TAFA2: variants seen among roughly 807,000 people sequenced by gnomAD.
The protein encoded by TAFA2 is chemokine-like protein TAFA-2.
A neutral mutation model predicts 18.8 loss-of-function variants in TAFA2; 7 were observed. That is an observed-to-expected ratio of 0.37 (90% confidence interval 0.21 to 0.70). The LOEUF is 0.70. Ranked by LOEUF, TAFA2 falls within the 30% of genes least tolerant of loss-of-function variation. The pLI is 0.53. For missense variants in TAFA2, 122 were observed against 158.1 expected (o/e 0.77, Z 1.23); for synonymous variants, 60 against 54.2 (o/e 1.11, Z -0.47).
intron 2 of TAFA2, among the ~76,000 whole-genome samples, chr12:61,786,982 A>T (rs2120911627): frequency 6.6e-6 from 1 of 151,696 alleles, no homozygotes; most frequent in East Asian, 2.0e-4. Flanking sequence ...CTAATAGAAA[A>T]CAAATAGCGA....
At chr12:61,942,382 A>T (rs1305224575) in intron 1 of TAFA2, among the ~76,000 whole-genome samples, 1 of 151,460 alleles carries the variant, frequency 6.6e-6, no homozygotes, top group Non-Finnish European at 1.5e-5. Context: ...TGGAAACTCT[A>T]AAACGCAGAG....
chr12:62,072,744 C>G (rs929544180), intron 1 of TAFA2, among the ~76,000 whole-genome samples: 1 of 152,156 alleles, frequency 6.6e-6, no homozygotes, highest in Non-Finnish European at 1.5e-5. Flanking sequence ...CGTGATCACA[C>G]CACTGCACTT....
chr12:62,225,709 T>C (rs938807547), intron 1 of TAFA2, among the ~76,000 whole-genome samples: 1 of 152,146 alleles, frequency 6.6e-6, no homozygotes, highest in African/African-American at 2.4e-5. Context: ...CAAGTGACTC[T>C]TAGTCATATG....
intron 2 of TAFA2, among the ~76,000 whole-genome samples, chr12:61,764,067 A>G (rs547649822): frequency 5.9e-5 from 9 of 152,162 alleles, no homozygotes; most frequent in African/African-American, 2.2e-4. Context: ...TAAAAGGAAA[A>G]AGACAAATTC....
At chr12:61,850,023 G>C (rs1023983205) in intron 2 of TAFA2, among the ~76,000 whole-genome samples, 6 of 152,034 alleles carry the variant, frequency 3.9e-5, no homozygotes, top group Non-Finnish European at 5.9e-5. Context: ...ACTAACTCTA[G>C]GTCATGCATT....
At chr12:62,026,721 C>T (rs1881321412) in intron 1 of TAFA2, among the ~76,000 whole-genome samples, 1 of 151,970 alleles carries the variant, frequency 6.6e-6, no homozygotes, top group Non-Finnish European at 1.5e-5. Flanking sequence ...GCAAAGGTTT[C>T]CATTTCTAAA....
Position 61,710,218 on chromosome 12 carries a change from G to T in TAFA2, c.*188C>A. ...AAATCTGCTGAAATCTTCATGACAT[G>T]CAAGTTCATGTCTGACTTTTAAAAA... On this transcript the variant is annotated 3_prime_UTR_variant, in exon 5 of 5. Coordinates refer to ENST00000416284, the MANE Select transcript of TAFA2 (RefSeq NM_178539.5). 1.8e-6 allele frequency: 1 copy of T among 570,672 alleles called. No homozygotes were observed. Among genetic ancestry groups the T allele is most frequent in the Non-Finnish European group, 3.2e-6 (1 of 317,358 alleles). The allele number at this position is 570,672 out of a possible 1,614,324, so 35.4% of individuals were successfully genotyped here.
chr12:61,954,652 A>C (rs1448786889), intron 1 of TAFA2, among the ~76,000 whole-genome samples: 1 of 152,124 alleles, frequency 6.6e-6, no homozygotes, highest in Non-Finnish European at 1.5e-5. Context: ...CACAGCAGGT[A>C]ATCAGAATCC....
At chr12:62,231,320 C>CT (rs888517488) in intron 1 of TAFA2, among the ~76,000 whole-genome samples, 2 of 152,136 alleles carry the variant, frequency 1.3e-5, no homozygotes, top group East Asian at 1.9e-4. Flanking sequence ...CTCTTGGCCT[C>CT]TTTATCATTA....
In TAFA2 at chr12:61,709,408, A is replaced by C. The variant is rs1394487286; in HGVS notation, c.*998T>G. The stretch of plus-strand genomic sequence containing the variant: ...TCAAACAGTCATTGGGATCAAGCAA[A>C]AGAAAGTCTTTTAAAATGAGATAGG... On this transcript the variant is annotated 3_prime_UTR_variant, in exon 5 of 5. Coordinates refer to ENST00000416284, the MANE Select transcript of TAFA2 (RefSeq NM_178539.5). The C allele has an allele frequency of 6.6e-6, 1 of 152,082 alleles. No individual in the cohort carries two copies. Among genetic ancestry groups the C allele is most frequent in the Non-Finnish European group, 1.5e-5 (1 of 67,976 alleles). The allele number at this position is 152,082 out of a possible 1,614,324, so 9.4% of individuals were successfully genotyped here. A position where few individuals can be genotyped will look rare whatever the true frequency, so the allele number is the denominator to read the frequency against.
intron 1 of TAFA2, among the ~76,000 whole-genome samples, chr12:62,183,062 A>G (rs1049846341): frequency 6.6e-6 from 1 of 152,220 alleles, no homozygotes; most frequent in Non-Finnish European, 1.5e-5. Flanking sequence ...GTGTCTTCCC[A>G]AAATTCATAT....
At chr12:61,928,970 G>A (rs1188225699) in intron 1 of TAFA2, among the ~76,000 whole-genome samples, 1 of 152,072 alleles carries the variant, frequency 6.6e-6, no homozygotes, top group Non-Finnish European at 1.5e-5. Flanking sequence ...AGAACACATG[G>A]ACACAGGGAG....
intron 1 of TAFA2, among the ~76,000 whole-genome samples, chr12:61,902,176 C>T (rs1876134920): frequency 6.7e-6 from 1 of 150,226 alleles, no homozygotes; most frequent in Admixed American, 6.6e-5. Flanking sequence ...TACACCGAGG[C>T]TGTCTACAAA....
At chr12:61,963,589 G>C (rs1213742568) in intron 1 of TAFA2, among the ~76,000 whole-genome samples, 1 of 151,842 alleles carries the variant, frequency 6.6e-6, no homozygotes, top group Non-Finnish European at 1.5e-5. Context: ...GTAGATTCTG[G>C]ATATTAGCCC....
At chr12:62,235,159 G>T (rs2062830946) in intron 1 of TAFA2, 1 of 666,036 alleles carries the variant, frequency 1.5e-6, no homozygotes, top group Non-Finnish European at 2.9e-6. Context: ...TCTTGCTGAG[G>T]GGGAGACACT....
At chr12:61,861,117 A>AT (rs1874107356) in intron 2 of TAFA2, among the ~76,000 whole-genome samples, 1 of 152,018 alleles carries the variant, frequency 6.6e-6, no homozygotes, top group South Asian at 2.1e-4. Flanking sequence ...TGCCTGGCTA[A>AT]TTTTTTTATT....
chr12:61,763,733 G>A (rs543544331), intron 2 of TAFA2, among the ~76,000 whole-genome samples: 48 of 151,880 alleles, frequency 3.2e-4, no homozygotes, highest in Middle Eastern at 3.4e-3. Flanking sequence ...CATGCCTCAC[G>A]GTAAAGAGGG....
At chr12:62,232,209 C>T (rs548114838) in intron 1 of TAFA2, among the ~76,000 whole-genome samples, 14 of 152,184 alleles carry the variant, frequency 9.2e-5, no homozygotes, top group African/African-American at 2.9e-4. Context: ...TCTCCCTCAC[C>T]TACCAAAAAT....
At chr12:61,882,515 G>C (rs1349404371) in intron 1 of TAFA2, among the ~76,000 whole-genome samples, 3 of 152,038 alleles carry the variant, frequency 2.0e-5, no homozygotes, top group African/African-American at 2.4e-5. Flanking sequence ...GGTAAAAGGA[G>C]AATAAAATGG....
Sources: allele counts gnomAD v4.1 joint callset (sites outside exome capture counted in the v4.1 genomes callset), GRCh38; gene constraint gnomAD v4.1.1; transcripts MANE v1.5; gene names NCBI Gene and HGNC (gene_info 2026-07-23, HGNC 2026-07-21).